The following HS1BP3 variants were observed in gnomAD, a reference collection of about 807,000 sequenced individuals.
The protein encoded by HS1BP3 is HCLS1-binding protein 3.
Under a neutral mutation model 33.5 loss-of-function variants are expected in HS1BP3, and 32 were observed. That is an observed-to-expected ratio of 0.95 (90% CI 0.72 to 1.28). The LOEUF is 1.28. Ranked by LOEUF, HS1BP3 falls within the 50% of genes most tolerant of loss-of-function variation. The pLI is 0.00. For synonymous variants in HS1BP3, 187 were observed against 209.2 expected (o/e 0.89, Z 0.92); for missense variants, 486 against 502.3 (o/e 0.97, Z 0.31).
intron 2 of HS1BP3, among the ~76,000 whole-genome samples, 182 bp from the exon 3 acceptor site, chr2:20,641,362 C>T (rs1251945758): frequency 6.6e-6 from 1 of 152,140 alleles, no homozygotes; most frequent in Non-Finnish European, 1.5e-5. Context: ...TGGCCGATAG[C>T]AGATTCAATA....
At chr2:20,636,854 CTTA>C (rs1406048925) in intron 4 of HS1BP3, 1 of 152,342 alleles carries the variant, frequency 6.6e-6, no homozygotes, top group Non-Finnish European at 1.5e-5. Flanking sequence ...AAAAAATTTA[CTTA>C]TTATTCCTGA....
chr2:20,605,561 C>T (rs536714035), intron 2 of HS1BP3, among the ~76,000 whole-genome samples: 3 of 152,068 alleles, frequency 2.0e-5, no homozygotes, highest in African/African-American at 4.8e-5. Flanking sequence ...TATGTCATCA[C>T]CCCCCAAAGG....
At chr2:20,632,595 G>A (rs756014414) in intron 4 of HS1BP3, among the ~76,000 whole-genome samples, 4 of 152,350 alleles carry the variant, frequency 2.6e-5, no homozygotes, top group Non-Finnish European at 4.4e-5. Flanking sequence ...TCCTCAGAGC[G>A]TAAAGGCTCT....
intron 5 of HS1BP3, among the ~76,000 whole-genome samples, chr2:20,560,905 T>C (rs993830727): frequency 4.0e-5 from 6 of 151,624 alleles, no homozygotes; most frequent in Non-Finnish European, 7.4e-5. Flanking sequence ...GGTGTGATGG[T>C]GATGAGAAAG....
intron 4 of HS1BP3, among the ~76,000 whole-genome samples, chr2:20,630,918 C>T (rs2149295692): frequency 6.6e-6 from 1 of 152,284 alleles, no homozygotes; most frequent in Non-Finnish European, 1.5e-5. Context: ...TTGTTGGCCA[C>T]CTCCAGTGGG....
Position 20,623,878 on chromosome 2 carries a change from G to T in HS1BP3, c.920+18C>A, listed in dbSNP as rs376244777. On this transcript the variant is annotated intron_variant, in intron 6 of 6. Transcript: ENST00000304031. ...ACACTCTCAGAGCTGGCCAAGCGCC[G>T]CTGGGGACAGGTGGTACCTGAACAG... 1.9e-6 allele frequency: 3 copies of T among 1,606,798 alleles called. No homozygotes were observed. The highest frequency in any genetic ancestry group is 1.3e-5 in the African/African-American group (1 of 74,662).
At chr2:20,587,210 A>G (rs1393162190) in intron 5 of HS1BP3, among the ~76,000 whole-genome samples, 2 of 152,238 alleles carry the variant, frequency 1.3e-5, no homozygotes, top group African/African-American at 2.4e-5. Context: ...CTGTACGATC[A>G]TAGGACACAG....
At chr2:20,650,301 T>C (rs1429668908) in intron 1 of HS1BP3, among the ~76,000 whole-genome samples, 9 of 152,086 alleles carry the variant, frequency 5.9e-5, no homozygotes. Context: ...GTAAATCACT[T>C]TACAGCGTTT....
At chr2:20,583,795 T>C (rs1341978567) in intron 5 of HS1BP3, among the ~76,000 whole-genome samples, 1 of 152,214 alleles carries the variant, frequency 6.6e-6, no homozygotes. Context: ...GGCTCGGTCC[T>C]GCCAGTGCTC....
chr2:20,562,152 C>T (rs1471048008), intron 5 of HS1BP3, among the ~76,000 whole-genome samples: 1 of 152,172 alleles, frequency 6.6e-6, no homozygotes, highest in African/African-American at 2.4e-5. Context: ...TCAACTCCGA[C>T]TGTTCATTGG....
At chr2:20,556,362 C>T (rs1300356368), downstream of HS1BP3, among the ~76,000 whole-genome samples, 1 of 152,224 alleles carries the variant, frequency 6.6e-6, no homozygotes, top group Non-Finnish European at 1.5e-5. Flanking sequence ...TGTGTCCTGA[C>T]TGCCCATTCT....
In HS1BP3 at chr2:20,624,466, G is replaced by A. The variant is rs1223276523; in HGVS notation, c.784+266C>T. On this transcript the variant is annotated intron_variant, in intron 5 of 6. Transcript: ENST00000304031. ...GCCCTCCAGCAGAGTCCATGCAGGC[G>A]ACACAGAGTCCCATTAAATCCAAAC... Among the ~76,000 whole-genome samples, 8 of 152,264 alleles carry A rather than the reference G, an allele frequency of 5.3e-5. No individual in the cohort carries two copies. In the South Asian group the frequency reaches 1.5e-3, roughly 28 times the overall value.
chr2:20,587,753 T>A (rs1181044745), downstream of HS1BP3, among the ~76,000 whole-genome samples: 2 of 151,522 alleles, frequency 1.3e-5, no homozygotes, highest in Non-Finnish European at 2.9e-5. Context: ...CTCAAAAAAA[T>A]AAAAAATAAA....
chr2:20,630,927 G>A (rs1048659540), intron 4 of HS1BP3, among the ~76,000 whole-genome samples: 1 of 152,206 alleles, frequency 6.6e-6, no homozygotes, highest in Non-Finnish European at 1.5e-5. Flanking sequence ...ACCTCCAGTG[G>A]GGCCTGGGGA....
rs993345769 is a variant in HS1BP3, at chr2:20,581,287, A to G, written c.303-20772T>C. 2.6e-5 allele frequency among the ~76,000 whole-genome samples: 4 copies of G among 152,340 alleles called. No individual in the cohort carries two copies. In the East Asian group the frequency reaches 5.8e-4, roughly 22 times the overall value. ...GTATTAGTGTTCTATTTAGTGTTCTATTGTTACATTAAAAATTACCACAAA... is the reference window on the plus strand; with the variant it reads ...GTATTAGTGTTCTATTTAGTGTTCTGTTGTTACATTAAAAATTACCACAAA... On this transcript the variant is annotated intron_variant, in intron 5 of 5. Transcript: ENST00000446825.
chr2:20,602,099 A>T (rs1694083408), intron 2 of HS1BP3, among the ~76,000 whole-genome samples: 1 of 151,122 alleles, frequency 6.6e-6, no homozygotes, highest in African/African-American at 2.4e-5. Context: ...GGCTGTGAGG[A>T]GATAGGTTAT....
At chr2:20,645,601 G>A in intron 1 of HS1BP3, 96 bp from the exon 2 acceptor site, 1 of 1,282,748 alleles carries the variant, frequency 7.8e-7, no homozygotes, top group Non-Finnish European at 1.1e-6. Flanking sequence ...TGGCAGGCCT[G>A]GGTGCCAGGT....
chr2:20,618,957 C>A lies in HS1BP3; in HGVS notation c.*30G>T. 1 of 1,599,494 alleles carries A rather than the reference C, an allele frequency of 6.3e-7. No homozygotes were observed. The highest frequency in any genetic ancestry group is 8.5e-7 in the Non-Finnish European group (1 of 1,171,126). On this transcript the variant is annotated 3_prime_UTR_variant, in exon 7 of 7. Coordinates refer to ENST00000304031, the MANE Select transcript of HS1BP3 (RefSeq NM_022460.4). ...TCACACCGATGTCCCCACAGACAGG[C>A]CTGCTGGGCCAGGGGCCAGCATGGA...
chr2:20,614,751 G>A (rs1448007566), downstream of HS1BP3, among the ~76,000 whole-genome samples: 1 of 152,270 alleles, frequency 6.6e-6, no homozygotes, highest in Non-Finnish European at 1.5e-5. Flanking sequence ...TGAGTTGGCA[G>A]AGAAGCATCA....
Sources: allele counts gnomAD v4.1 joint callset (sites outside exome capture counted in the v4.1 genomes callset), GRCh38; gene constraint gnomAD v4.1.1; transcripts MANE v1.5; gene names NCBI Gene and HGNC (gene_info 2026-07-23, HGNC 2026-07-21).